MYH10: variants seen among roughly 807,000 people sequenced by gnomAD.
MYH10 encodes myosin-10.
MYH10 carries 55 observed loss-of-function variants against 257.8 expected under a neutral mutation model. The observed-to-expected ratio is 0.21, with a 90% CI of 0.17 to 0.27. The LOEUF is 0.27. Among genes scored for constraint, MYH10 ranks in the 10% least tolerant of loss-of-function variants. The pLI, the probability that MYH10 is intolerant of heterozygous loss-of-function variation, is 1.00. For missense variants in MYH10, 1,631 were observed against 2,500.6 expected (o/e 0.65, Z 7.42); for synonymous variants, 854 against 921.7 (o/e 0.93, Z 1.33).
chr17:8,568,240 C>T (rs147376116), intron 7 of MYH10, among the ~76,000 whole-genome samples: 4 of 152,274 alleles, frequency 2.6e-5, no homozygotes, highest in Non-Finnish European at 5.9e-5. Flanking sequence ...ATCCTGCCAA[C>T]ACCTTGCTTC....
chr17:8,510,356 G>A (rs1263698977), intron 24 of MYH10, among the ~76,000 whole-genome samples: 1 of 152,160 alleles, frequency 6.6e-6, no homozygotes, highest in African/African-American at 2.4e-5. Context: ...ATGAAATGCA[G>A]TTATGTGAAA....
chr17:8,511,057 TATACACACATAC>T (rs1279711413), intron 24 of MYH10: 1 of 62,706 alleles, frequency 1.6e-5, no homozygotes, highest in African/African-American at 6.7e-5. Flanking sequence ...TATATATATA[TATACACACATAC>T]ATACATACAC....
At chr17:8,495,867 G>A (rs765331162) in intron 30 of MYH10, among the ~76,000 whole-genome samples, 2 of 152,032 alleles carry the variant, frequency 1.3e-5, no homozygotes, top group Admixed American at 6.5e-5. Flanking sequence ...TTGCTACCGC[G>A]CCCGTCTAAT....
At chr17:8,519,864 A>G (rs537727321) in intron 19 of MYH10, among the ~76,000 whole-genome samples, 156 of 138,058 alleles carry the variant, frequency 1.1e-3, no homozygotes, top group Non-Finnish European at 2.0e-3. Flanking sequence ...AAAATTACCA[A>G]ATAAAAGTTA....
chr17:8,501,695 G>A (rs1360438566), intron 28 of MYH10, among the ~76,000 whole-genome samples: 1 of 152,166 alleles, frequency 6.6e-6, no homozygotes, highest in African/African-American at 2.4e-5. Flanking sequence ...CAGCTCAAAG[G>A]GTTCAGAAAG....
intron 4 of MYH10, among the ~76,000 whole-genome samples, chr17:8,582,919 GTTC>G (rs939852864): frequency 1.3e-5 from 2 of 152,184 alleles, no homozygotes; most frequent in Non-Finnish European, 2.9e-5. Flanking sequence ...TCTGCTTGAA[GTTC>G]TTGTTTTAGA....
chr17:8,481,642 C>T (rs977006622), intron 37 of MYH10, among the ~76,000 whole-genome samples: 3 of 152,176 alleles, frequency 2.0e-5, no homozygotes, highest in African/African-American at 7.2e-5. Flanking sequence ...GTCTTCATTG[C>T]CATAAGGGCT....
At chr17:8,616,058 C>T (rs113577568) in intron 2 of MYH10, among the ~76,000 whole-genome samples, 100 of 152,248 alleles carry the variant, frequency 6.6e-4, no homozygotes, top group South Asian at 3.7e-3. Context: ...CTGAGGCAGG[C>T]GGATTGCTTT....
intron 23 of MYH10, among the ~76,000 whole-genome samples, chr17:8,512,896 T>TCA (rs2081345745): frequency 6.6e-6 from 1 of 152,214 alleles, no homozygotes; most frequent in Non-Finnish European, 1.5e-5. Context: ...TCATGATAGT[T>TCA]CATCTATGAA....
chr17:8,574,272 A>C (rs2083434129), intron 6 of MYH10, among the ~76,000 whole-genome samples: 1 of 152,190 alleles, frequency 6.6e-6, no homozygotes, highest in Admixed American at 6.5e-5. Flanking sequence ...AAAAGAAAGA[A>C]CCGTCAGGGA....
At chr17:8,522,197 T>C (rs1415726288) in intron 17 of MYH10, among the ~76,000 whole-genome samples, 1 of 152,250 alleles carries the variant, frequency 6.6e-6, no homozygotes, top group East Asian at 1.9e-4. Flanking sequence ...TTTAATGCCC[T>C]CCTCAACCCT....
intron 7 of MYH10, among the ~76,000 whole-genome samples, chr17:8,564,677 C>T (rs915086952): frequency 6.6e-6 from 1 of 152,122 alleles, no homozygotes. Context: ...GTAGTGTCTG[C>T]CACATTTTCA....
intron 7 of MYH10, among the ~76,000 whole-genome samples, chr17:8,567,032 T>TA (rs2083186736): frequency 6.6e-6 from 1 of 152,148 alleles, no homozygotes; most frequent in African/African-American, 2.4e-5. Flanking sequence ...TGTGGTAAGA[T>TA]AAACAATTTT....
intron 24 of MYH10, among the ~76,000 whole-genome samples, chr17:8,511,348 C>T (rs1042492678): frequency 2.0e-5 from 3 of 152,080 alleles, no homozygotes; most frequent in East Asian, 1.9e-4. Context: ...GGTGAAACCT[C>T]GTCTCTACTA....
Position 8,542,275 on chromosome 17 carries a change from G to A in MYH10, c.1437C>T (p.Asn479=), listed in dbSNP as rs576690051. 1.1e-4 allele frequency: 185 copies of A among 1,611,780 alleles called. 1 individual carries two copies. In the South Asian group the frequency reaches 1.9e-3, roughly 17 times the overall value. The change falls in exon 14 of 43, where the codon AAC becomes AAT. Residue 479 remains asparagine, a synonymous_variant. Coordinates refer to ENST00000360416, the MANE Select transcript of MYH10 (RefSeq NM_001256012.3). ...DIAGFEIFEL[N]SFEQLCINYT... ...AGTTGATGCAAAGTTGTTCAAAGGA[G>A]TTCAGCTACAAATGTCAAAGGGTAA...
chr17:8,489,743 ACACC>A (rs1555570906), intron 35 of MYH10, among the ~76,000 whole-genome samples: 2 of 150,258 alleles, frequency 1.3e-5, no homozygotes, highest in African/African-American at 4.9e-5. Context: ...ACACACACAC[ACACC>A]CCAAATCCAA....
At chr17:8,482,860 C>T (rs570577312) in intron 37 of MYH10, among the ~76,000 whole-genome samples, 5 of 152,350 alleles carry the variant, frequency 3.3e-5, no homozygotes, top group East Asian at 1.9e-4. Flanking sequence ...ACAGCCACAT[C>T]GCCTTTGGGG....
chr17:8,580,783 T>G (rs2083675406), intron 4 of MYH10, among the ~76,000 whole-genome samples: 1 of 152,188 alleles, frequency 6.6e-6, no homozygotes, highest in African/African-American at 2.4e-5. Flanking sequence ...TTCTGAGTGC[T>G]AGGGATAGTG....
intron 9 of MYH10, among the ~76,000 whole-genome samples, chr17:8,551,774 T>C (rs1237282339): frequency 6.6e-6 from 1 of 152,178 alleles, no homozygotes; most frequent in African/African-American, 2.4e-5. Context: ...AACAGAGTTG[T>C]AAAATACGCA....
Sources: allele counts gnomAD v4.1 joint callset (sites outside exome capture counted in the v4.1 genomes callset), GRCh38; gene constraint gnomAD v4.1.1; transcripts MANE v1.5; gene names NCBI Gene and HGNC (gene_info 2026-07-23, HGNC 2026-07-21).